Variants in DENND1A observed in about 807,000 individuals in gnomAD.
DENND1A encodes DENN domain containing 1A.
Under a neutral mutation model 113.7 loss-of-function variants are expected in DENND1A, and 51 were observed. The observed-to-expected ratio is 0.45, with a 90% CI of 0.36 to 0.57. DENND1A has a LOEUF of 0.57. Ranked by LOEUF, DENND1A falls within the 20% of genes least tolerant of loss-of-function variation. DENND1A has a pLI of 0.00. For synonymous variants in DENND1A, 565 were observed against 570.8 expected (o/e 0.99, Z 0.14); for missense variants, 1,258 against 1,395.9 (o/e 0.90, Z 1.57).
chr9:123,500,251 A>G (rs1191859644), intron 13 of DENND1A, among the ~76,000 whole-genome samples: 1 of 152,214 alleles, frequency 6.6e-6, no homozygotes, highest in Non-Finnish European at 1.5e-5. Context: ...ATGAACAAAC[A>G]CTTGTAAATG....
rs530509140 is a variant in DENND1A at position 123,413,993 on chromosome 9, C to T, written c.1489-2164G>A. On this transcript the variant is annotated intron_variant, in intron 19 of 23. Transcript: ENST00000394215. Reference sequence around the variant, plus strand: ...TCTCTTATGCTTGGCCTTTCTACTTCGGGGGAACCATCTTCTCCAGCCCCA... The same window carrying T: ...TCTCTTATGCTTGGCCTTTCTACTTTGGGGGAACCATCTTCTCCAGCCCCA... 4.2e-4 allele frequency: 419 copies of T among 989,224 alleles called. 2 individuals carry two copies. In the African/African-American group the frequency reaches 6.3e-3, roughly 15 times the overall value. 61.3% of individuals were successfully genotyped at this position (989,224 alleles called of 1,614,324 possible). A position where few individuals can be genotyped will look rare whatever the true frequency, so the allele number is the denominator to read the frequency against.
intron 5 of DENND1A, among the ~76,000 whole-genome samples, chr9:123,729,171 A>C (rs1244742486): frequency 6.6e-6 from 1 of 152,180 alleles, no homozygotes; most frequent in Non-Finnish European, 1.5e-5. Context: ...AATGGGCAAA[A>C]ACTGGAAGCA....
At chr9:123,443,801 T>C (rs1264596617) in intron 18 of DENND1A, among the ~76,000 whole-genome samples, 2 of 152,080 alleles carry the variant, frequency 1.3e-5, no homozygotes, top group Non-Finnish European at 2.9e-5. Context: ...CAAAAAAATA[T>C]AAAAATTAGC....
At chr9:123,771,363 T>TAC (rs1410263930) in intron 3 of DENND1A, among the ~76,000 whole-genome samples, 1 of 152,182 alleles carries the variant, frequency 6.6e-6, no homozygotes, top group Non-Finnish European at 1.5e-5. Flanking sequence ...CCTTATGATT[T>TAC]ACACACACAC....
chr9:123,767,955 T>C (rs1175429061), intron 4 of DENND1A, among the ~76,000 whole-genome samples: 1 of 152,212 alleles, frequency 6.6e-6, no homozygotes, highest in Non-Finnish European at 1.5e-5. Flanking sequence ...TGCCATAATT[T>C]GTCATACATT....
intron 9 of DENND1A, among the ~76,000 whole-genome samples, chr9:123,641,133 C>T (rs1323996225): frequency 6.6e-6 from 1 of 152,216 alleles, no homozygotes; most frequent in Non-Finnish European, 1.5e-5. Context: ...GCAGAAACAA[C>T]ACAGGAAATT....
At position 123,583,257 on chromosome 9, in the gene DENND1A, A is replaced by G. The variant is rs2059007867; in HGVS notation, c.779T>C (p.Met260Thr). 6.2e-7 allele frequency: 1 copy of G among 1,611,758 alleles called. No homozygotes were observed. The highest frequency in any genetic ancestry group is 8.5e-7 in the Non-Finnish European group (1 of 1,178,824). The change falls in exon 12 of 24, where the codon ATG (methionine) becomes ACG (threonine). Residue 260 changes from methionine to threonine, a missense_variant. This residue lies in a region of DENND1A where 1,159 missense variants were observed against 1,231.7 expected (regional missense o/e 0.94). Coordinates refer to ENST00000394215, the MANE Select transcript of DENND1A (RefSeq NM_001352964.2). ...HLSLMEKVRN[M>T]ALDDVVILNV... Reference sequence around the variant, plus strand: ...CAGGATCACGACATCATCCAGGGCCATGTTTCTGACTTTCTGCAAGGAGAA... The same window carrying G: ...CAGGATCACGACATCATCCAGGGCCGTGTTTCTGACTTTCTGCAAGGAGAA...
intron 1 of DENND1A, among the ~76,000 whole-genome samples, chr9:123,911,858 T>A (rs938295645): frequency 6.6e-6 from 1 of 151,312 alleles, no homozygotes; most frequent in Non-Finnish European, 1.5e-5. Context: ...GCCCGGCTAA[T>A]TTTTTTTTGT....
intron 19 of DENND1A, among the ~76,000 whole-genome samples, chr9:123,417,005 T>C (rs2044783484): frequency 6.6e-6 from 1 of 152,260 alleles, no homozygotes; most frequent in East Asian, 1.9e-4. Flanking sequence ...TAGAAACCCA[T>C]GGGTTCACGA....
chr9:123,615,404 C>T (rs1279453092), intron 10 of DENND1A, among the ~76,000 whole-genome samples: 1 of 152,250 alleles, frequency 6.6e-6, no homozygotes, highest in Non-Finnish European at 1.5e-5. Context: ...AGCATTCCCA[C>T]AGCCTGCAGA....
chr9:123,778,993 G>A (rs1432447870), intron 3 of DENND1A, among the ~76,000 whole-genome samples: 1 of 152,122 alleles, frequency 6.6e-6, no homozygotes, highest in African/African-American at 2.4e-5. Context: ...AATAAAACAT[G>A]TTTCCACCAT....
At chr9:123,610,557 G>T (rs984749349) in intron 10 of DENND1A, among the ~76,000 whole-genome samples, 1 of 152,208 alleles carries the variant, frequency 6.6e-6, no homozygotes, top group South Asian at 2.1e-4. Flanking sequence ...TGGGTTAGGG[G>T]AAGGAGGTCA....
intron 12 of DENND1A, 48 bp from the exon 13 acceptor site, chr9:123,557,743 A>G (rs781162024): frequency 6.2e-7 from 1 of 1,604,032 alleles, no homozygotes; most frequent in East Asian, 2.2e-5. Context: ...GGGTCAAAGT[A>G]GGGTGGCTGA....
At position 123,510,321 on chromosome 9, in the gene DENND1A, G is replaced by A. The variant is rs912080888; in HGVS notation, c.993+47249C>T. Among the ~76,000 whole-genome samples the A allele has an allele frequency of 2.6e-5, 4 of 152,232 alleles. No individual in the cohort carries two copies. The East Asian group carries it at 5.8e-4, about 22-fold the overall frequency. ...TTGATTACATCTTTATACATGTTAT[G>A]CGGTCATATGAACTCATCTGATAAA... is the stretch of plus-strand genomic sequence containing the variant. On this transcript the variant is annotated intron_variant, in intron 13 of 23. Transcript: ENST00000394215.
intron 2 of DENND1A, among the ~76,000 whole-genome samples, chr9:123,877,038 A>G (rs1172057850): frequency 1.3e-5 from 2 of 152,080 alleles, no homozygotes; most frequent in African/African-American, 4.8e-5. Context: ...GGCACTGGAG[A>G]CTCAGAAGGG....
chr9:123,693,398 A>G (rs536367309), intron 5 of DENND1A, among the ~76,000 whole-genome samples: 2 of 152,284 alleles, frequency 1.3e-5, no homozygotes, highest in South Asian at 4.1e-4. Context: ...GACAATCAAG[A>G]TATAGAACAC....
intron 19 of DENND1A, among the ~76,000 whole-genome samples, chr9:123,419,334 C>G (rs1035609508): frequency 2.0e-5 from 3 of 152,262 alleles, no homozygotes; most frequent in Non-Finnish European, 4.4e-5. Flanking sequence ...TGTCCCTTCC[C>G]TGCCAGGTGC....
At chr9:123,669,340 C>T (rs931184741) in intron 7 of DENND1A, among the ~76,000 whole-genome samples, 2 of 152,172 alleles carry the variant, frequency 1.3e-5, no homozygotes, top group African/African-American at 4.8e-5. Flanking sequence ...TTTACAGATG[C>T]AATTGATAGT....
intron 8 of DENND1A, among the ~76,000 whole-genome samples, chr9:123,663,307 TC>T (rs2139754415): frequency 6.6e-6 from 1 of 152,326 alleles, no homozygotes; most frequent in South Asian, 2.1e-4. Context: ...TTGTTTAGTG[TC>T]CTCATTGTCA....
Sources: allele counts gnomAD v4.1 joint callset (sites outside exome capture counted in the v4.1 genomes callset), GRCh38; gene constraint gnomAD v4.1.1; regional missense constraint gnomAD v4.1.1; transcripts MANE v1.5; gene names NCBI Gene and HGNC (gene_info 2026-07-23, HGNC 2026-07-21).